DMXL2: variants seen among roughly 807,000 people sequenced by gnomAD.
DMXL2 encodes the protein dmX-like protein 2.
DMXL2 carries 103 observed loss-of-function variants against 331.1 expected under a neutral mutation model. The observed-to-expected ratio is 0.31, with a 90% confidence interval of 0.27 to 0.37. DMXL2 has a LOEUF of 0.37. DMXL2 is among the 10% of genes least tolerant of loss of function. The pLI, the probability that DMXL2 is intolerant of heterozygous loss-of-function variation, is 1.00. For synonymous variants in DMXL2, 1,281 were observed against 1,252.1 expected, an observed-to-expected ratio of 1.02 and a Z score of -0.49; for missense variants, 3,171 against 3,642.9, an observed-to-expected ratio of 0.87 and a Z score of 3.33.
intron 13 of DMXL2, among the ~76,000 whole-genome samples, chr15:51,531,852 T>C (rs2048020074): frequency 6.6e-6 from 1 of 152,184 alleles, no homozygotes; most frequent in Non-Finnish European, 1.5e-5. Context: ...AAATGGCTTA[T>C]ATCCAAAAGA....
intron 1 of DMXL2, among the ~76,000 whole-genome samples, chr15:51,583,106 CTTTT>C (rs57226377): frequency 2.3e-5 from 2 of 87,180 alleles, no homozygotes; most frequent in South Asian, 3.4e-4. Context: ...CTTCATTCTT[CTTTT>C]TTTTTTTTTT....
intron 15 of DMXL2, among the ~76,000 whole-genome samples, chr15:51,512,957 T>C (rs572866423): frequency 1.7e-3 from 264 of 152,282 alleles, no homozygotes; most frequent in African/African-American, 6.1e-3. Context: ...TTTTTGGCAT[T>C]TTTCTTAACT....
chr15:51,545,844 C>A, intron 7 of DMXL2, 78 bp from the exon 8 acceptor site: 1 of 1,259,338 alleles, frequency 7.9e-7, no homozygotes, highest in Non-Finnish European at 1.1e-6. Flanking sequence ...GTTCTTCATG[C>A]ATAAAGATAA....
chr15:51,452,751 C>T (rs1361477598), intron 41 of DMXL2, among the ~76,000 whole-genome samples: 2 of 152,062 alleles, frequency 1.3e-5, no homozygotes, highest in African/African-American at 4.8e-5. Flanking sequence ...GGTATCTACC[C>T]AGAGGAAAAG....
At chr15:51,515,329 G>C (rs924492051) in intron 14 of DMXL2, among the ~76,000 whole-genome samples, 13 of 152,078 alleles carry the variant, frequency 8.5e-5, no homozygotes, top group Admixed American at 3.3e-4. Flanking sequence ...GAGATTTCAA[G>C]AAAAGGAAGC....
chr15:51,505,696 A>C (rs1302343590), intron 16 of DMXL2, among the ~76,000 whole-genome samples: 1 of 152,254 alleles, frequency 6.6e-6, no homozygotes, highest in Non-Finnish European at 1.5e-5. Flanking sequence ...TTCTAATGCC[A>C]ATTCATGGCC....
In DMXL2 at chr15:51,536,345, G is replaced by A; in HGVS notation, c.2135C>T (p.Thr712Ile). The change falls in exon 12 of 44, where the codon ACT (threonine) becomes ATT (isoleucine). Residue 712 changes from threonine (T) to isoleucine (I), a missense_variant. Around this residue, in one of 7 missense-constraint regions of DMXL2, gnomAD observed 1,674 missense variants for 1,780.2 expected, o/e 0.94. Coordinates refer to ENST00000560891, the MANE Select transcript of DMXL2 (RefSeq NM_001378457.1). ...TGCATTTGGGTCATGAAATGTACGAGTTGCTGCATTTCTAAGAGGTTGTTT... is the reference window on the plus strand; with the variant it reads ...TGCATTTGGGTCATGAAATGTACGAATTGCTGCATTTCTAAGAGGTTGTTT... ...SSKQPLRNAA[T>I]RTFHDPNAIY... 1 of 1,613,926 alleles carries A rather than the reference G, an allele frequency of 6.2e-7. No individual in the cohort carries two copies. The highest frequency in any genetic ancestry group is 8.5e-7 in the Non-Finnish European group (1 of 1,179,920).
intron 1 of DMXL2, chr15:51,603,816 T>G (rs1284410132): frequency 2.0e-5 from 3 of 150,684 alleles, no homozygotes; most frequent in South Asian, 2.1e-4. Flanking sequence ...TGCAGTGAGC[T>G]GAGATTGCAC....
Position 51,459,387 on chromosome 15 carries a change from C to T in DMXL2, c.7989+211G>A, listed in dbSNP as rs1385026152. Among the ~76,000 whole-genome samples the T allele has an allele frequency of 2.6e-5, 4 of 152,218 alleles. No individual in the cohort carries two copies. In the East Asian group the frequency reaches 5.8e-4, roughly 22 times the overall value. On this transcript the variant is annotated intron_variant, in intron 34 of 43. Coordinates refer to ENST00000560891, the MANE Select transcript of DMXL2 (RefSeq NM_001378457.1). ...GAAAAAGTGACAAGTGAAGATGGGA[C>T]AGGGAGCAAGAAAGAGAAGAACCAA...
intron 1 of DMXL2, among the ~76,000 whole-genome samples, chr15:51,599,437 C>G (rs556260088): frequency 6.6e-6 from 1 of 152,262 alleles, no homozygotes; most frequent in East Asian, 1.9e-4. Flanking sequence ...CAGACACACA[C>G]ATATCTATTT....
chr15:51,481,390 A>C lies in DMXL2; in HGVS notation c.5716T>G (p.Ser1906Ala), dbSNP rs763040718. 2.5e-6 allele frequency: 4 copies of C among 1,613,548 alleles called. No homozygotes were observed. In the East Asian group the frequency reaches 8.9e-5, roughly 36 times the overall value. ...GTTTTGGTTACTTTTGGAATTTTGGAGAGTACCTCCAAGGCTAAAACAGGG... is the reference window on the plus strand; with the variant it reads ...GTTTTGGTTACTTTTGGAATTTTGGCGAGTACCTCCAAGGCTAAAACAGGG... ...GCPVLALEVL[S>A]KIPKVTKTSA... is the part of the protein sequence containing the mutation. The change falls in exon 24 of 44, where the codon TCC (serine) becomes GCC (alanine). Residue 1906 changes from serine to alanine, a missense_variant. By Grantham distance (99) the Ser-to-Ala change is moderately conservative. Coordinates refer to ENST00000560891, the MANE Select transcript of DMXL2 (RefSeq NM_001378457.1).
intron 6 of DMXL2, 90 bp from the exon 7 acceptor site, chr15:51,547,498 C>T: frequency 1.2e-6 from 1 of 839,290 alleles, no homozygotes; most frequent in Non-Finnish European, 1.7e-6. Flanking sequence ...AATTAAGTTA[C>T]ATCTAAAAAC....
chr15:51,580,258 G>C (rs1567145196), intron 1 of DMXL2, among the ~76,000 whole-genome samples: 1 of 152,122 alleles, frequency 6.6e-6, no homozygotes, highest in Non-Finnish European at 1.5e-5. Flanking sequence ...AGAATTTATA[G>C]TGCAGGAGGA....
chr15:51,538,093 G>T, intron 10 of DMXL2, 120 bp downstream of exon 10: 1 of 1,273,160 alleles, frequency 7.9e-7, no homozygotes, highest in Non-Finnish European at 1.1e-6. Flanking sequence ...GTAAATACTT[G>T]TGTAACAAAT....
intron 1 of DMXL2, among the ~76,000 whole-genome samples, chr15:51,619,090 A>T (rs982050891): frequency 6.6e-6 from 1 of 152,234 alleles, no homozygotes; most frequent in Admixed American, 6.5e-5. Flanking sequence ...TTTAAAAAAT[A>T]GCCAAGGACT....
chr15:51,558,608 T>C (rs2049752152), intron 6 of DMXL2, among the ~76,000 whole-genome samples: 1 of 152,218 alleles, frequency 6.6e-6, no homozygotes, highest in Non-Finnish European at 1.5e-5. Context: ...GATTGCAGTC[T>C]TCCTGTCTAT....
At chr15:51,473,327 T>A (rs1226763782) in intron 28 of DMXL2, among the ~76,000 whole-genome samples, 1 of 152,232 alleles carries the variant, frequency 6.6e-6, no homozygotes, top group African/African-American at 2.4e-5. Flanking sequence ...AATATTAATA[T>A]GTACTGGCAG....
chr15:51,478,757 TAA>T (rs138504061), intron 25 of DMXL2, among the ~76,000 whole-genome samples: 2,947 of 152,224 alleles, frequency 0.019, 74 homozygotes, highest in East Asian at 0.064. Flanking sequence ...TTGATGAAAA[TAA>T]ACACTTAATC....
At chr15:51,586,338 T>G (rs996995877) in intron 1 of DMXL2, among the ~76,000 whole-genome samples, 1 of 152,048 alleles carries the variant, frequency 6.6e-6, no homozygotes, top group Non-Finnish European at 1.5e-5. Context: ...GTGGGTGCTA[T>G]GTCGAGGGAA....
Sources: allele counts gnomAD v4.1 joint callset (sites outside exome capture counted in the v4.1 genomes callset), GRCh38; gene constraint gnomAD v4.1.1; regional missense constraint gnomAD v4.1.1; transcripts MANE v1.5; gene names NCBI Gene and HGNC (gene_info 2026-07-23, HGNC 2026-07-21).